Variants in KCNB2 observed in about 807,000 individuals in gnomAD.
The protein encoded by KCNB2 is delayed rectifier potassium channel protein.
In KCNB2, 15 loss-of-function variants were observed where a neutral mutation model predicts 61.5. The observed-to-expected ratio is 0.24, with a 90% confidence interval of 0.16 to 0.38. KCNB2 has a LOEUF of 0.38. KCNB2 is among the 10% of genes least tolerant of loss of function. The pLI is 1.00. For missense variants in KCNB2, 828 were observed against 1,125.2 expected, an observed-to-expected ratio of 0.74 and a Z score of 3.78; for synonymous variants, 457 against 446.0, an observed-to-expected ratio of 1.02 and a Z score of -0.31.
intron 2 of KCNB2, among the ~76,000 whole-genome samples, chr8:72,867,762 C>T (rs572495499): frequency 6.6e-6 from 1 of 152,312 alleles, no homozygotes; most frequent in South Asian, 2.1e-4. Context: ...CTGAACCATT[C>T]ATCCAGTGAC....
chr8:72,633,264 C>T (rs1485872541), intron 2 of KCNB2, among the ~76,000 whole-genome samples: 2 of 152,048 alleles, frequency 1.3e-5, no homozygotes, highest in East Asian at 3.9e-4. Context: ...TCCCATTTCC[C>T]CCTCCATTTT....
intron 2 of KCNB2, among the ~76,000 whole-genome samples, chr8:72,919,938 G>T (rs1482023): frequency 0.48 from 73,347 of 151,818 alleles, 18,768 homozygotes; most frequent in Middle Eastern, 0.6. Flanking sequence ...AAGCACTTAC[G>T]AGGTACTAGA....
chr8:72,711,310 T>C (rs1005480385), intron 2 of KCNB2, among the ~76,000 whole-genome samples: 1 of 152,094 alleles, frequency 6.6e-6, no homozygotes, highest in Non-Finnish European at 1.5e-5. Context: ...TGGCAAATAC[T>C]CCCAAGAGCC....
At chr8:72,616,597 C>T (rs1247177154) in intron 2 of KCNB2, among the ~76,000 whole-genome samples, 2 of 152,116 alleles carry the variant, frequency 1.3e-5, no homozygotes, top group Non-Finnish European at 2.9e-5. Flanking sequence ...CTTTATTTGG[C>T]TTCATTTTCA....
chr8:72,702,342 G>A lies in KCNB2; in HGVS notation c.579+134029G>A, dbSNP rs989445866. ...CTCCCCACTGAGACCAAGACATAGA[G>A]GAGTTTCTGAACATGAGCAGCACTG... On this transcript the variant is annotated intron_variant, in intron 2 of 2. Coordinates refer to ENST00000523207, the MANE Select transcript of KCNB2 (RefSeq NM_004770.3). Among the ~76,000 whole-genome samples, 5 of 152,098 alleles carry A rather than the reference G, an allele frequency of 3.3e-5. No individual in the cohort carries two copies. The South Asian group carries it at 1.0e-3, about 32-fold the overall frequency.
intron 2 of KCNB2, among the ~76,000 whole-genome samples, chr8:72,688,829 C>A (rs755795380): frequency 2.0e-5 from 3 of 152,126 alleles, no homozygotes; most frequent in Admixed American, 1.3e-4. Flanking sequence ...CAGGCTCAAG[C>A]AGTCCTCCCA....
intron 2 of KCNB2, among the ~76,000 whole-genome samples, chr8:72,898,830 A>G (rs1806035193): frequency 6.6e-6 from 1 of 151,978 alleles, no homozygotes; most frequent in Non-Finnish European, 1.5e-5. Context: ...TGTTGTTTCC[A>G]TTGTCCCCAT....
chr8:72,781,290 C>T (rs1402590221), intron 2 of KCNB2, among the ~76,000 whole-genome samples: 1 of 152,032 alleles, frequency 6.6e-6, no homozygotes, highest in African/African-American at 2.4e-5. Context: ...AATCTTTGCC[C>T]GTGCCTATGT....
chr8:72,775,874 C>G (rs1162790977), intron 2 of KCNB2, among the ~76,000 whole-genome samples: 1 of 152,104 alleles, frequency 6.6e-6, no homozygotes, highest in African/African-American at 2.4e-5. Context: ...CTGGAAATAC[C>G]ATTTGACCCA....
intron 2 of KCNB2, among the ~76,000 whole-genome samples, chr8:72,725,525 A>ATGTGTG (rs1563571806): frequency 1.0e-3 from 54 of 54,008 alleles, no homozygotes; most frequent in African/African-American, 4.3e-3. Flanking sequence ...ATATATATAT[A>ATGTGTG]TATATATATA....
chr8:72,776,600 T>G (rs1183049015), intron 2 of KCNB2, among the ~76,000 whole-genome samples: 2 of 152,162 alleles, frequency 1.3e-5, no homozygotes, highest in African/African-American at 4.8e-5. Flanking sequence ...GTTTCTATGA[T>G]TGCTGCTAAC....
intron 2 of KCNB2, among the ~76,000 whole-genome samples, chr8:72,609,723 T>C (rs1387683470): frequency 6.6e-6 from 1 of 152,240 alleles, no homozygotes; most frequent in Non-Finnish European, 1.5e-5. Context: ...TATAATTTTA[T>C]CTGTAGTTCT....
chr8:72,586,165 A>G (rs1806997801), intron 2 of KCNB2, among the ~76,000 whole-genome samples: 1 of 152,190 alleles, frequency 6.6e-6, no homozygotes, highest in African/African-American at 2.4e-5. Context: ...ACTGCAGAAA[A>G]GAAAAACTTT....
chr8:72,714,161 G>A (rs1807378905), intron 2 of KCNB2, among the ~76,000 whole-genome samples: 1 of 152,196 alleles, frequency 6.6e-6, no homozygotes, highest in Admixed American at 6.5e-5. Flanking sequence ...GGGACTATGT[G>A]AAAAGACCAA....
At chr8:72,755,810 A>T (rs1348691118) in intron 2 of KCNB2, among the ~76,000 whole-genome samples, 1 of 152,178 alleles carries the variant, frequency 6.6e-6, no homozygotes, top group East Asian at 1.9e-4. Flanking sequence ...TTGAAAGTTC[A>T]TTGACAAGGA....
chr8:72,808,151 A>G, intron 2 of KCNB2, among the ~76,000 whole-genome samples: 1 of 152,174 alleles, frequency 6.6e-6, no homozygotes, highest in East Asian at 1.9e-4. Flanking sequence ...GCTGACAGGG[A>G]TCAGTACTGC....
At chr8:72,684,718 C>T (rs1480892030) in intron 2 of KCNB2, among the ~76,000 whole-genome samples, 1 of 152,204 alleles carries the variant, frequency 6.6e-6, no homozygotes, top group Non-Finnish European at 1.5e-5. Flanking sequence ...CAGTGACCAA[C>T]AGTTAAAACA....
At chr8:72,601,791 T>C (rs965874808) in intron 2 of KCNB2, among the ~76,000 whole-genome samples, 2 of 152,162 alleles carry the variant, frequency 1.3e-5, no homozygotes, top group Non-Finnish European at 2.9e-5. Flanking sequence ...GCCAGTTCAG[T>C]ACAGAACACT....
intron 2 of KCNB2, among the ~76,000 whole-genome samples, chr8:72,828,521 G>A (rs1172593919): frequency 2.0e-5 from 3 of 152,266 alleles, no homozygotes; most frequent in South Asian, 2.1e-4. Context: ...CAGATTTGCC[G>A]CTGCAGGGTT....
Sources: allele counts gnomAD v4.1 joint callset (sites outside exome capture counted in the v4.1 genomes callset), GRCh38; gene constraint gnomAD v4.1.1; transcripts MANE v1.5; gene names NCBI Gene and HGNC (gene_info 2026-07-23, HGNC 2026-07-21).